The following HEPACAM2 variants were observed in gnomAD, a reference collection of about 807,000 sequenced individuals.
HEPACAM2 encodes the protein HEPACAM family member 2.
In HEPACAM2, 49 loss-of-function variants were observed where a neutral mutation model predicts 49.6. That is an observed-to-expected ratio of 0.99 (90% CI 0.78 to 1.25). The LOEUF (loss-of-function observed/expected upper bound fraction) is 1.25, where lower values mean the gene tolerates loss of function less well. HEPACAM2 is among the 50% of genes most tolerant of loss of function. HEPACAM2 has a pLI of 0.00. For synonymous variants in HEPACAM2, 197 were observed against 202.9 expected (o/e 0.97, Z 0.25); for missense variants, 525 against 557.2 (o/e 0.94, Z 0.58).
chr7:93,205,887 C>G (rs149944245), intron 4 of HEPACAM2, among the ~76,000 whole-genome samples: 1 of 151,976 alleles, frequency 6.6e-6, no homozygotes, highest in African/African-American at 2.4e-5. Context: ...GCTCTGAATC[C>G]CTCTGAAAAA....
chr7:93,221,810 A>G lies in HEPACAM2; in HGVS notation c.80-2359T>C, dbSNP rs10248269. On this transcript the variant is annotated intron_variant, in intron 1 of 9. Coordinates refer to ENST00000394468, the MANE Select transcript of HEPACAM2 (RefSeq NM_001039372.4). ...GTGTTTTTGTGATTAACTTCTAAGA[A>G]TTTTTTTTTCTTCTGATAATGGACC... 4.0e-3 allele frequency among the ~76,000 whole-genome samples: 608 copies of G among 151,934 alleles called. 5 individuals carry two copies. The highest frequency in any genetic ancestry group is 0.014 in the African/African-American group (592 of 41,430).
At chr7:93,228,113 A>C (rs1794570682), upstream of HEPACAM2, among the ~76,000 whole-genome samples, 1 of 152,154 alleles carries the variant, frequency 6.6e-6, no homozygotes, top group South Asian at 2.1e-4. Flanking sequence ...AGCTGTTTTC[A>C]GTGTTTTTCA....
In HEPACAM2 at chr7:93,208,706, C is replaced by G. The variant is rs748505413; in HGVS notation, c.886G>C (p.Gly296Arg). 6.2e-7 allele frequency: 1 copy of G among 1,613,182 alleles called. No homozygotes were observed. Among genetic ancestry groups the G allele is most frequent in the South Asian group, 1.1e-5 (1 of 91,056 alleles). The change falls in exon 4 of 10, where the codon GGG (glycine) becomes CGG (arginine). Residue 296 changes from glycine (G) to arginine (R), a missense_variant. Coordinates refer to ENST00000394468, the MANE Select transcript of HEPACAM2 (RefSeq NM_001039372.4). ...TCAGATGCAACTTCTAAGCGAGGCC[C>G]ATGCTTAATGATATATGTAGTATTG... ...TDNTTYIIKH[G>R]PRLEVASEKV...
chr7:93,197,106 A>T (rs1464329075), intron 7 of HEPACAM2, 135 bp downstream of exon 7: 1 of 525,092 alleles, frequency 1.9e-6, no homozygotes, highest in African/African-American at 2.0e-5. Flanking sequence ...TGAAGGCACT[A>T]ACTCAAAGGT....
chr7:93,208,427 C>A (rs1251221572), intron 4 of HEPACAM2, among the ~76,000 whole-genome samples, 153 bp downstream of exon 4: 1 of 151,890 alleles, frequency 6.6e-6, no homozygotes, highest in Non-Finnish European at 1.5e-5. Flanking sequence ...TCATAGAAAC[C>A]ATGGCTTAGT....
At chr7:93,211,579 G>A (rs1267001751) in intron 3 of HEPACAM2, among the ~76,000 whole-genome samples, 2 of 152,016 alleles carry the variant, frequency 1.3e-5, no homozygotes, top group African/African-American at 4.8e-5. Flanking sequence ...TATGAGTCTA[G>A]GCATAGTGAA....
At chr7:93,229,127 C>A (rs936316494), upstream of HEPACAM2, among the ~76,000 whole-genome samples, 2 of 152,134 alleles carry the variant, frequency 1.3e-5, no homozygotes, top group Non-Finnish European at 2.9e-5. Flanking sequence ...AGATGCAGAA[C>A]AGTGGGGAAT....
Position 93,213,705 on chromosome 7 carries a change from TCA to T in HEPACAM2, c.715+1694_715+1695del, listed in dbSNP as rs568902824. ...GAACTCTGGTTTGGGTTTGGGGTGT[TCA>T]CAAGAGTCAAGGAAAATATAAAGCA... On this transcript the variant is annotated intron_variant, in intron 3 of 9. Transcript: ENST00000394468. Among the ~76,000 whole-genome samples the T allele has an allele frequency of 1.1e-4, 17 of 152,148 alleles. No homozygotes were observed. In the East Asian group the frequency reaches 3.1e-3, roughly 28 times the overall value.
At chr7:93,222,612 C>T (rs1794471361) in intron 1 of HEPACAM2, among the ~76,000 whole-genome samples, 1 of 152,066 alleles carries the variant, frequency 6.6e-6, no homozygotes, top group African/African-American at 2.4e-5. Context: ...ATATGAAGTC[C>T]TAGTAAAGGA....
chr7:93,230,297 T>C (rs1794599231), upstream of HEPACAM2, among the ~76,000 whole-genome samples: 1 of 152,240 alleles, frequency 6.6e-6, no homozygotes, highest in Admixed American at 6.5e-5. Flanking sequence ...TCATGAAATA[T>C]GTGGTCTCGA....
chr7:93,199,727 T>G (rs190922220), intron 4 of HEPACAM2, among the ~76,000 whole-genome samples: 6 of 152,202 alleles, frequency 3.9e-5, no homozygotes, highest in African/African-American at 1.4e-4. Flanking sequence ...TGCACATATA[T>G]ATGTTAACAC....
intron 3 of HEPACAM2, among the ~76,000 whole-genome samples, chr7:93,210,352 C>G (rs1262601132): frequency 6.6e-6 from 1 of 151,862 alleles, no homozygotes; most frequent in African/African-American, 2.4e-5. Context: ...GATATTTAAA[C>G]AATTTATTTG....
intron 1 of HEPACAM2, among the ~76,000 whole-genome samples, chr7:93,221,509 A>G (rs1397709592): frequency 6.6e-6 from 1 of 152,168 alleles, no homozygotes; most frequent in African/African-American, 2.4e-5. Flanking sequence ...AGTTCTACCA[A>G]CAGTAAATTT....
At chr7:93,226,000 C>T (rs1794532156) in intron 1 of HEPACAM2, 1 of 859,816 alleles carries the variant, frequency 1.2e-6, no homozygotes, top group South Asian at 1.8e-5. Flanking sequence ...TAGTTTCACT[C>T]TAAGTGGTCA....
In HEPACAM2 at chr7:93,208,630, A is replaced by T; in HGVS notation, c.962T>A (p.Ile321Lys). 1 of 1,613,076 alleles carries T rather than the reference A, an allele frequency of 6.2e-7. No individual in the cohort carries two copies. Among genetic ancestry groups the T allele is most frequent in the Non-Finnish European group, 8.5e-7 (1 of 1,179,348 alleles). Residue 321 changes from isoleucine (I) to lysine (K), a missense_variant, in exon 4 of 10, where the codon ATA becomes AAA. Transcript: ENST00000394468. Reference protein sequence around the residue: ...MDYVCCAYNNITGRQDETHFT... With the variant: ...MDYVCCAYNNKTGRQDETHFT... ...ATGAGTTTCATCTTGCCTGCCGGTT[A>T]TGTTGTTGTAAGCACAGCACACATA...
chr7:93,207,252 G>T (rs1794052447), intron 4 of HEPACAM2, among the ~76,000 whole-genome samples: 1 of 152,088 alleles, frequency 6.6e-6, no homozygotes, highest in Non-Finnish European at 1.5e-5. Context: ...GGCATCAATA[G>T]AAAAGATATT....
intron 3 of HEPACAM2, among the ~76,000 whole-genome samples, chr7:93,212,790 G>C (rs1335247827): frequency 6.6e-6 from 1 of 151,952 alleles, no homozygotes; most frequent in Non-Finnish European, 1.5e-5. Flanking sequence ...CCTCTACTTG[G>C]AGGGGCAGCC....
chr7:93,201,969 A>T (rs1204079091), intron 4 of HEPACAM2, among the ~76,000 whole-genome samples: 1 of 151,090 alleles, frequency 6.6e-6, no homozygotes, highest in Non-Finnish European at 1.5e-5. Flanking sequence ...GTTGTCAATA[A>T]GATAAAGGCA....
intron 4 of HEPACAM2, among the ~76,000 whole-genome samples, chr7:93,200,398 A>G (rs980061440): frequency 6.6e-6 from 1 of 152,156 alleles, no homozygotes; most frequent in Non-Finnish European, 1.5e-5. Flanking sequence ...AATCAATTTA[A>G]CCATTGGCTA....
Sources: allele counts gnomAD v4.1 joint callset (sites outside exome capture counted in the v4.1 genomes callset), GRCh38; gene constraint gnomAD v4.1.1; transcripts MANE v1.5; gene names NCBI Gene and HGNC (gene_info 2026-07-23, HGNC 2026-07-21).